The following ASIC2 variants were observed in gnomAD, a reference collection of about 807,000 sequenced individuals.
ASIC2 encodes acid sensing ion channel subunit 2.
Under a neutral mutation model 57.3 loss-of-function variants are expected in ASIC2, and 25 were observed. The ratio of observed to expected loss-of-function variants is 0.44; its 90% confidence interval spans 0.32 to 0.61. The LOEUF (loss-of-function observed/expected upper bound fraction) is 0.61, where lower values mean the gene tolerates loss of function less well. ASIC2 is among the 20% of genes least tolerant of loss of function. The pLI, the probability that ASIC2 is intolerant of heterozygous loss-of-function variation, is 0.06. For missense variants in ASIC2, 641 were observed against 738.1 expected, an observed-to-expected ratio of 0.87 and a Z score of 1.52; for synonymous variants, 319 against 307.5, an observed-to-expected ratio of 1.04 and a Z score of -0.39.
Position 33,625,366 on chromosome 17 carries a change from C to T in ASIC2, c.556-513299G>A, listed in dbSNP as rs112515529. 6.4e-3 allele frequency among the ~76,000 whole-genome samples: 977 copies of T among 152,276 alleles called. 15 individuals are homozygous for T. The highest frequency in any genetic ancestry group is 0.022 in the African/African-American group (933 of 41,554). ...TCTCCATCTAACAACCAGTGAAGAACTAAGGCCTTCCAACAACTACAGGAG... is the reference window on the plus strand; with the variant it reads ...TCTCCATCTAACAACCAGTGAAGAATTAAGGCCTTCCAACAACTACAGGAG... On this transcript the variant is annotated intron_variant, in intron 1 of 9. Coordinates refer to the ASIC2 transcript ENST00000359872.
chr17:34,098,200 A>G (rs1207416208), intron 1 of ASIC2, among the ~76,000 whole-genome samples: 1 of 152,198 alleles, frequency 6.6e-6, no homozygotes, highest in African/African-American at 2.4e-5. Context: ...GCAGCCTGTC[A>G]CTGTGCAGAC....
At chr17:33,725,442 G>C (rs1015423685) in intron 1 of ASIC2, among the ~76,000 whole-genome samples, 5 of 152,044 alleles carry the variant, frequency 3.3e-5, no homozygotes, top group Admixed American at 6.5e-5. Context: ...AGTGATGGGC[G>C]TTAGGGTCAG....
intron 1 of ASIC2, among the ~76,000 whole-genome samples, chr17:33,147,584 T>A (rs1904612884): frequency 6.6e-6 from 1 of 152,204 alleles, no homozygotes. Context: ...CACAGCAGGA[T>A]TGTCCTAGAG....
intron 1 of ASIC2, among the ~76,000 whole-genome samples, chr17:33,950,201 A>T (rs893796665): frequency 1.3e-5 from 2 of 152,110 alleles, no homozygotes; most frequent in Non-Finnish European, 2.9e-5. Flanking sequence ...TGGGAACTTC[A>T]ATTTCCCTCT....
At position 33,537,507 on chromosome 17, in the gene ASIC2, T is replaced by C. The variant is rs148324244; in HGVS notation, c.556-425440A>G. On this transcript the variant is annotated intron_variant, in intron 1 of 9. Transcript: ENST00000359872. Reference sequence around the variant, plus strand: ...TGCACTTTGTGAGGGTGGGAATCTTTCTTTGTTCACTGTATTCTCAGTGCA... The same window carrying C: ...TGCACTTTGTGAGGGTGGGAATCTTCCTTTGTTCACTGTATTCTCAGTGCA... 5.4e-3 allele frequency among the ~76,000 whole-genome samples: 818 copies of C among 152,304 alleles called. 5 individuals carry two copies. The highest frequency in any genetic ancestry group is 0.018 in the African/African-American group (767 of 41,568).
intron 1 of ASIC2, among the ~76,000 whole-genome samples, chr17:33,780,347 C>G (rs1479916733): frequency 6.6e-6 from 1 of 152,126 alleles, no homozygotes; most frequent in Admixed American, 6.5e-5. Flanking sequence ...AGGATATATA[C>G]TCCATACTTC....
intron 1 of ASIC2, among the ~76,000 whole-genome samples, chr17:33,137,636 T>C (rs538863381): frequency 6.6e-6 from 1 of 152,218 alleles, no homozygotes; most frequent in Admixed American, 6.5e-5. Flanking sequence ...TCTTGGAGTG[T>C]TGCCATCCCA....
At chr17:33,493,219 C>T (rs940172965) in intron 1 of ASIC2, among the ~76,000 whole-genome samples, 2 of 152,214 alleles carry the variant, frequency 1.3e-5, no homozygotes, top group Non-Finnish European at 2.9e-5. Flanking sequence ...GAAGGCTGGG[C>T]TTAGTCTTCA....
At chr17:33,572,769 C>A (rs1916492192) in intron 1 of ASIC2, among the ~76,000 whole-genome samples, 1 of 152,234 alleles carries the variant, frequency 6.6e-6, no homozygotes, top group African/African-American at 2.4e-5. Context: ...CTTAGGAGAT[C>A]TGCACGAAGT....
At position 33,751,276 on chromosome 17, in the gene ASIC2, C is replaced by T. The variant is rs112808163; in HGVS notation, c.555+404702G>A. On this transcript the variant is annotated intron_variant, in intron 1 of 9. Transcript: ENST00000359872. The stretch of plus-strand genomic sequence containing the variant: ...CCTTGGCTGCATACAGATCTGCAGC[C>T]GCCCTGACACGGCACCAATGTGGTC... Among the ~76,000 whole-genome samples, 623 of 152,264 alleles carry T rather than the reference C, an allele frequency of 4.1e-3. 2 individuals are homozygous for T. The highest frequency in any genetic ancestry group is 0.02 in the Middle Eastern group (6 of 294).
At chr17:33,282,451 GTA>G (rs1904990255) in intron 1 of ASIC2, among the ~76,000 whole-genome samples, 1 of 107,460 alleles carries the variant, frequency 9.3e-6, no homozygotes, top group African/African-American at 3.3e-5. Flanking sequence ...AACTCTGTGT[GTA>G]TGTGTGTGTG....
intron 1 of ASIC2, among the ~76,000 whole-genome samples, chr17:33,973,851 G>A (rs934370906): frequency 1.6e-4 from 24 of 152,182 alleles, no homozygotes; most frequent in African/African-American, 5.8e-4. Flanking sequence ...ACCCAAACAG[G>A]GCCTGCTTGG....
chr17:33,809,359 T>G (rs1017111133), intron 1 of ASIC2, among the ~76,000 whole-genome samples: 4 of 152,368 alleles, frequency 2.6e-5, no homozygotes, highest in African/African-American at 9.6e-5. Context: ...CTTCAGGACC[T>G]GCCTGGACTG....
intron 1 of ASIC2, chr17:33,932,756 A>ATATG (rs1188952949): frequency 7.4e-6 from 1 of 135,878 alleles, no homozygotes; most frequent in African/African-American, 2.8e-5. Context: ...ATATATATAT[A>ATATG]TATATAGTAT....
chr17:33,117,083 G>A (rs7214369), intron 1 of ASIC2, among the ~76,000 whole-genome samples: 2,467 of 151,982 alleles, frequency 0.016, 82 homozygotes, highest in African/African-American at 0.057. Flanking sequence ...TGAACTCCTG[G>A]GCTCAAGCAA....
At chr17:34,146,072 C>T (rs1390378106) in intron 1 of ASIC2, among the ~76,000 whole-genome samples, 3 of 152,148 alleles carry the variant, frequency 2.0e-5, no homozygotes, top group Admixed American at 6.6e-5. Flanking sequence ...GGGTATGGCT[C>T]AGCTCTTCGG....
chr17:33,036,619 G>T (rs1453625736), intron 3 of ASIC2, among the ~76,000 whole-genome samples: 1 of 150,522 alleles, frequency 6.6e-6, no homozygotes, highest in East Asian at 1.9e-4. Context: ...TTTTTTTTTG[G>T]TAGAGATGGA....
chr17:33,921,147 G>A (rs1915701315), intron 1 of ASIC2, among the ~76,000 whole-genome samples: 1 of 152,158 alleles, frequency 6.6e-6, no homozygotes, highest in Non-Finnish European at 1.5e-5. Flanking sequence ...GAGGGTTGAG[G>A]AGTATAATGG....
intron 1 of ASIC2, among the ~76,000 whole-genome samples, chr17:33,305,060 A>ACAAAAT (rs1365280272): frequency 2.6e-5 from 4 of 152,194 alleles, no homozygotes; most frequent in African/African-American, 9.7e-5. Flanking sequence ...AATGCATGTC[A>ACAAAAT]CAAAATCCAT....
Sources: allele counts gnomAD v4.1 joint callset (sites outside exome capture counted in the v4.1 genomes callset), GRCh38; gene constraint gnomAD v4.1.1; transcripts MANE v1.5; gene names NCBI Gene and HGNC (gene_info 2026-07-23, HGNC 2026-07-21).